RBMS1: variants seen among roughly 807,000 people sequenced by gnomAD.
RBMS1 encodes the protein RNA binding motif single stranded interacting protein 1.
In RBMS1, 17 loss-of-function variants were observed where a neutral mutation model predicts 62.3. The observed-to-expected ratio is 0.27, with a 90% CI of 0.19 to 0.41. The LOEUF (loss-of-function observed/expected upper bound fraction) is 0.41. Among genes scored for constraint, RBMS1 ranks in the 10% least tolerant of loss-of-function variants. The pLI, the probability that RBMS1 is intolerant of heterozygous loss-of-function variation, is 1.00. For synonymous variants in RBMS1, 172 were observed against 170.0 expected (o/e 1.01, Z -0.09); for missense variants, 334 against 504.5 (o/e 0.66, Z 3.24).
chr2:160,442,159 T>C (rs1683434838), intron 1 of RBMS1, among the ~76,000 whole-genome samples: 1 of 152,364 alleles, frequency 6.6e-6, no homozygotes, highest in Middle Eastern at 3.4e-3. Context: ...TTTGATAATG[T>C]CCGATTTATC....
intron 2 of RBMS1, among the ~76,000 whole-genome samples, chr2:160,324,698 T>C (rs1176035133): frequency 1.3e-5 from 2 of 151,570 alleles, no homozygotes; most frequent in Non-Finnish European, 2.9e-5. Flanking sequence ...TATATGACCA[T>C]AATTAGCAAG....
intron 2 of RBMS1, among the ~76,000 whole-genome samples, chr2:160,363,906 GA>G (rs375573543): frequency 2.7e-5 from 4 of 149,230 alleles, no homozygotes; most frequent in Admixed American, 2.7e-4. Context: ...GGATGAGAGT[GA>G]AAAAAAAAGC....
chr2:160,322,557 G>C (rs1456191157), intron 2 of RBMS1, among the ~76,000 whole-genome samples: 1 of 152,232 alleles, frequency 6.6e-6, no homozygotes, highest in African/African-American at 2.4e-5. Context: ...TGATTTCACA[G>C]AACATCAGAA....
chr2:160,447,146 T>C (rs1683689611), intron 1 of RBMS1, among the ~76,000 whole-genome samples: 1 of 152,230 alleles, frequency 6.6e-6, no homozygotes, highest in South Asian at 2.1e-4. Context: ...GGGGCAGGGA[T>C]AGTATTTCTA....
intron 1 of RBMS1, among the ~76,000 whole-genome samples, chr2:160,487,524 T>G (rs548345368): frequency 3.7e-4 from 56 of 152,336 alleles, no homozygotes; most frequent in Non-Finnish European, 7.1e-4. Context: ...TAAATACAAT[T>G]GATTGGCTAG....
rs6742449 is a variant in RBMS1 at position 160,312,473 on chromosome 2, C to T, written c.402+683G>A. Among the ~76,000 whole-genome samples the T allele has an allele frequency of 6.2e-3, 946 of 152,158 alleles. 17 individuals carry two copies. Among genetic ancestry groups the T allele is most frequent in the African/African-American group, 0.02 (822 of 41,478 alleles). On this transcript the variant is annotated intron_variant, in intron 4 of 13. Transcript: ENST00000348849. ...AACATGGTCTCCCATTTTATAATCC[C>T]CTAACATTCAAGCAAGTTACTCACT...
At chr2:160,309,169 T>C (rs1689713576) in intron 4 of RBMS1, among the ~76,000 whole-genome samples, 1 of 152,194 alleles carries the variant, frequency 6.6e-6, no homozygotes, top group Admixed American at 6.5e-5. Flanking sequence ...TCACTTCCTA[T>C]GTCTAAGAGA....
chr2:160,385,299 T>C (rs78964796), intron 1 of RBMS1, among the ~76,000 whole-genome samples: 3,244 of 152,230 alleles, frequency 0.021, 122 homozygotes, highest in African/African-American at 0.072. Flanking sequence ...CCTATACATA[T>C]AAAGAGCTTC....
At chr2:160,492,366 GATAGGCCCACT>G (rs771738074) in intron 1 of RBMS1, among the ~76,000 whole-genome samples, 4 of 152,012 alleles carry the variant, frequency 2.6e-5, no homozygotes, top group Non-Finnish European at 5.9e-5. Flanking sequence ...GTAAAAATAA[GATAGGCCCACT>G]AACAAAGTAC....
chr2:160,295,262 T>G lies in RBMS1; in HGVS notation c.640+5389A>C, dbSNP rs574426187. Reference sequence around the variant, plus strand: ...AATAATTCTTGGGAAGAGCTCTGCATGAAAAATGCTCTTAGAAACCTGTTG... The same window carrying G: ...AATAATTCTTGGGAAGAGCTCTGCAGGAAAAATGCTCTTAGAAACCTGTTG... On this transcript the variant is annotated intron_variant, in intron 6 of 13. Coordinates refer to ENST00000348849, the MANE Select transcript of RBMS1 (RefSeq NM_016836.4). 3.9e-5 allele frequency among the ~76,000 whole-genome samples: 6 copies of G among 152,316 alleles called. No individual in the cohort carries two copies. In the South Asian group the frequency reaches 1.2e-3, roughly 32 times the overall value.
chr2:160,470,783 T>C (rs1684884406), intron 1 of RBMS1, among the ~76,000 whole-genome samples: 2 of 152,178 alleles, frequency 1.3e-5, no homozygotes, highest in African/African-American at 4.8e-5. Flanking sequence ...GACCAACCTA[T>C]GAATCCCCCA....
At chr2:160,471,718 A>ATATATATATATAT (rs1357101386) in intron 1 of RBMS1, among the ~76,000 whole-genome samples, 2 of 14,504 alleles carry the variant, frequency 1.4e-4, no homozygotes, top group Admixed American at 8.3e-4. Flanking sequence ...TATATATATA[A>ATATATATATATAT]CCTTTCATAC....
chr2:160,300,313 A>G (rs1345462281), intron 6 of RBMS1, among the ~76,000 whole-genome samples: 2 of 152,220 alleles, frequency 1.3e-5, no homozygotes, highest in Non-Finnish European at 2.9e-5. Context: ...CTGCTGGGAT[A>G]GAAAGGTACC....
At chr2:160,285,375 G>A (rs1244539696) in intron 7 of RBMS1, among the ~76,000 whole-genome samples, 5 of 152,168 alleles carry the variant, frequency 3.3e-5, no homozygotes, top group African/African-American at 1.2e-4. Flanking sequence ...CTCTGGACCT[G>A]CACTGTCCCA....
intron 2 of RBMS1, among the ~76,000 whole-genome samples, chr2:160,326,373 G>A (rs1690929063): frequency 6.6e-6 from 1 of 152,152 alleles, no homozygotes; most frequent in South Asian, 2.1e-4. Context: ...ATGAGACCCT[G>A]TATGATGTAT....
chr2:160,482,028 T>C (rs1046655602), intron 1 of RBMS1, among the ~76,000 whole-genome samples: 4 of 152,166 alleles, frequency 2.6e-5, no homozygotes, highest in Non-Finnish European at 4.4e-5. Flanking sequence ...GTAATTGTAT[T>C]CAAAATAGTC....
chr2:160,448,419 A>G (rs928034554), intron 1 of RBMS1, among the ~76,000 whole-genome samples: 6 of 152,048 alleles, frequency 3.9e-5, no homozygotes, highest in African/African-American at 1.4e-4. Context: ...CTCAGCCTGC[A>G]GAGTGCCTGG....
intron 1 of RBMS1, among the ~76,000 whole-genome samples, chr2:160,484,739 C>G (rs1219281801): frequency 6.6e-6 from 1 of 151,190 alleles, no homozygotes; most frequent in African/African-American, 2.4e-5. Flanking sequence ...GGCATGGTGG[C>G]GGGCGCCTGT....
chr2:160,381,175 T>C (rs1694267326), intron 1 of RBMS1, among the ~76,000 whole-genome samples: 1 of 152,168 alleles, frequency 6.6e-6, no homozygotes, highest in Non-Finnish European at 1.5e-5. Context: ...ATAGCTCATA[T>C]GCAAATCCTG....
Sources: allele counts gnomAD v4.1 joint callset (sites outside exome capture counted in the v4.1 genomes callset), GRCh38; gene constraint gnomAD v4.1.1; transcripts MANE v1.5; gene names NCBI Gene and HGNC (gene_info 2026-07-23, HGNC 2026-07-21).